The following TSPAN18 variants were observed in gnomAD, a reference collection of about 807,000 sequenced individuals.
The protein encoded by TSPAN18 is tetraspanin-18.
TSPAN18 carries 14 observed loss-of-function variants against 27.3 expected under a neutral mutation model. That is an observed-to-expected ratio of 0.51 (90% confidence interval 0.34 to 0.80). TSPAN18 has a LOEUF of 0.80. Among genes scored for constraint, TSPAN18 ranks in the 30% least tolerant of loss-of-function variants. The probability of loss-of-function intolerance (pLI) is 0.01; values close to 1 mark genes in which losing one functional copy is unlikely to be tolerated. For synonymous variants in TSPAN18, 143 were observed against 136.5 expected (o/e 1.05, Z -0.33); for missense variants, 268 against 323.9 (o/e 0.83, Z 1.32).
chr11:44,846,537 CCCGAATA>C (rs1857486333), intron 2 of TSPAN18, among the ~76,000 whole-genome samples: 1 of 151,968 alleles, frequency 6.6e-6, no homozygotes, highest in African/African-American at 2.4e-5. Flanking sequence ...TCTAAGGAGG[CCCGAATA>C]TTTAACAGAA....
intron 3 of TSPAN18, among the ~76,000 whole-genome samples, chr11:44,863,429 C>T (rs768189793): frequency 6.6e-6 from 1 of 152,206 alleles, no homozygotes; most frequent in Non-Finnish European, 1.5e-5. Context: ...AGTTTAGTAG[C>T]GCCTCCCTTT....
intron 1 of TSPAN18, among the ~76,000 whole-genome samples, chr11:44,758,587 G>A (rs948970898): frequency 6.6e-6 from 1 of 152,074 alleles, no homozygotes; most frequent in Non-Finnish European, 1.5e-5. Context: ...AGAAAGTAGC[G>A]GCAGATTATA....
chr11:44,871,655 C>G (rs574294562), intron 3 of TSPAN18, among the ~76,000 whole-genome samples: 12 of 152,312 alleles, frequency 7.9e-5, no homozygotes, highest in African/African-American at 1.2e-4. Context: ...ATACCACCAG[C>G]CTTCAGGATG....
chr11:44,735,450 G>A (rs1039994337), intron 1 of TSPAN18, among the ~76,000 whole-genome samples: 1 of 152,192 alleles, frequency 6.6e-6, no homozygotes, highest in African/African-American at 2.4e-5. Context: ...TCTAGGGAAA[G>A]GTCCTCTTTG....
chr11:44,791,217 A>G (rs1467428978), intron 2 of TSPAN18, among the ~76,000 whole-genome samples: 1 of 152,088 alleles, frequency 6.6e-6, no homozygotes, highest in African/African-American at 2.4e-5. Flanking sequence ...CAGGGGCATC[A>G]CCAGTGGGAA....
At chr11:44,887,321 G>A (rs1483784270) in intron 3 of TSPAN18, among the ~76,000 whole-genome samples, 1 of 152,210 alleles carries the variant, frequency 6.6e-6, no homozygotes, top group African/African-American at 2.4e-5. Flanking sequence ...ATTAGAACAT[G>A]CAACGTCCTT....
intron 8 of TSPAN18, among the ~76,000 whole-genome samples, chr11:44,921,000 A>C (rs927941085): frequency 1.3e-5 from 2 of 152,240 alleles, no homozygotes. Flanking sequence ...AGGAGGTGAC[A>C]GTGAGCAGAG....
At chr11:44,730,579 T>C (rs1003993558) in intron 1 of TSPAN18, among the ~76,000 whole-genome samples, 11 of 151,908 alleles carry the variant, frequency 7.2e-5, no homozygotes, top group African/African-American at 2.7e-4. Flanking sequence ...ACCTTGGACC[T>C]GCATTAGTGC....
intron 2 of TSPAN18, among the ~76,000 whole-genome samples, chr11:44,837,434 A>T (rs532934268): frequency 1.8e-4 from 28 of 152,360 alleles, no homozygotes; most frequent in African/African-American, 6.5e-4. Context: ...ATAAGCAAAG[A>T]GATGGAAACT....
chr11:44,763,850 G>A (rs1855506666), intron 1 of TSPAN18, among the ~76,000 whole-genome samples: 2 of 152,102 alleles, frequency 1.3e-5, no homozygotes, highest in African/African-American at 4.8e-5. Context: ...CTTTCCAGCT[G>A]TATTAGTCCA....
chr11:44,818,992 G>A (rs1371055768), intron 2 of TSPAN18, among the ~76,000 whole-genome samples: 2 of 152,140 alleles, frequency 1.3e-5, no homozygotes, highest in African/African-American at 2.4e-5. Flanking sequence ...ACCCTCCTGA[G>A]TAAACAGCCT....
At chr11:44,877,433 C>T (rs1858368178) in intron 3 of TSPAN18, among the ~76,000 whole-genome samples, 1 of 152,154 alleles carries the variant, frequency 6.6e-6, no homozygotes, top group Non-Finnish European at 1.5e-5. Context: ...AGGGTCCATT[C>T]CTTGGGCTCC....
chr11:44,852,446 C>T (rs1243259388), intron 2 of TSPAN18, among the ~76,000 whole-genome samples: 1 of 152,246 alleles, frequency 6.6e-6, no homozygotes, highest in Non-Finnish European at 1.5e-5. Flanking sequence ...CACCAGCACT[C>T]TGACTCCAGA....
chr11:44,845,131 T>C (rs1290887837), intron 2 of TSPAN18, among the ~76,000 whole-genome samples: 1 of 152,232 alleles, frequency 6.6e-6, no homozygotes, highest in African/African-American at 2.4e-5. Flanking sequence ...TAATGTCCCA[T>C]AGACTTTTAC....
At chr11:44,857,040 G>A (rs1415889668) in intron 2 of TSPAN18, among the ~76,000 whole-genome samples, 3 of 152,210 alleles carry the variant, frequency 2.0e-5, no homozygotes, top group Admixed American at 6.5e-5. Flanking sequence ...GGATAATGGT[G>A]AAGAAAACGA....
chr11:44,746,263 G>T, intron 1 of TSPAN18, among the ~76,000 whole-genome samples: 1 of 152,068 alleles, frequency 6.6e-6, no homozygotes, highest in Non-Finnish European at 1.5e-5. Context: ...CTTCTCTCTG[G>T]GACTCCCAGC....
At chr11:44,918,822 C>T (rs1014809945) in intron 6 of TSPAN18, among the ~76,000 whole-genome samples, 8 of 151,870 alleles carry the variant, frequency 5.3e-5, no homozygotes, top group South Asian at 2.1e-4. Flanking sequence ...ACTTCCTGCC[C>T]GGTCCTGTAG....
At chr11:44,753,977 C>T (rs988016438) in intron 1 of TSPAN18, among the ~76,000 whole-genome samples, 1 of 152,138 alleles carries the variant, frequency 6.6e-6, no homozygotes, top group Non-Finnish European at 1.5e-5. Context: ...GGTTTTCTAA[C>T]TTTCTTTGCT....
intron 3 of TSPAN18, among the ~76,000 whole-genome samples, chr11:44,879,323 G>A (rs1388758138): frequency 6.6e-6 from 1 of 152,050 alleles, no homozygotes; most frequent in East Asian, 1.9e-4. Flanking sequence ...ACTGGGTGCT[G>A]TGATTCAGCC....
Sources: gnomAD v4.1 joint callset for allele counts (sites outside exome capture counted in the v4.1 genomes callset) on GRCh38, gnomAD v4.1.1 for gene constraint, MANE v1.5 for transcripts, NCBI Gene and HGNC (gene_info 2026-07-23, HGNC 2026-07-21) for gene names.